The following ZNF778 variants were observed in gnomAD, a reference collection of about 807,000 sequenced individuals.
The protein encoded by ZNF778 is zinc finger protein 778.
Under a neutral mutation model 23.9 loss-of-function variants are expected in ZNF778, and 37 were observed. That is an observed-to-expected ratio of 1.54 (90% CI 1.19 to 2.03). The LOEUF (loss-of-function observed/expected upper bound fraction) is 2.03, where lower values mean the gene tolerates loss of function less well. Among genes scored for constraint, ZNF778 ranks in the 30% most tolerant of loss-of-function variants. The pLI is 0.00. For synonymous variants in ZNF778, 483 were observed against 343.9 expected, an observed-to-expected ratio of 1.40 and a Z score of -4.48; for missense variants, 1,297 against 934.4, an observed-to-expected ratio of 1.39 and a Z score of -5.06.
intron 1 of ZNF778, among the ~76,000 whole-genome samples, chr16:89,218,712 A>T (rs1439386287): frequency 2.0e-5 from 3 of 152,094 alleles, no homozygotes; most frequent in Non-Finnish European, 4.4e-5. Context: ...AATGGCGTGA[A>T]CCCGGGAGGC....
Position 89,224,707 on chromosome 16 carries a change from C to T in ZNF778, c.245-12C>T. 6.5e-7 allele frequency: 1 copy of T among 1,532,930 alleles called. No individual in the cohort carries two copies. Among genetic ancestry groups the T allele is most frequent in the Non-Finnish European group, 8.7e-7 (1 of 1,144,210 alleles). 95.0% of individuals were successfully genotyped at this position (1,532,930 alleles called of 1,614,324 possible). A position where few individuals can be genotyped will look rare whatever the true frequency, so the allele number is the denominator to read the frequency against. On this transcript the variant is annotated splice_polypyrimidine_tract_variant and intron_variant, in intron 4 of 6. Coordinates refer to ENST00000433976, the MANE Select transcript of ZNF778 (RefSeq NM_001201407.2). ...GAGCCTCTTCCATCGATGTCTCTTT[C>T]CCTGTGTACAGGACATCACCTGTTC...
At chr16:89,226,258 T>C (rs1172882679) in intron 6 of ZNF778, among the ~76,000 whole-genome samples, 2 of 151,982 alleles carry the variant, frequency 1.3e-5, no homozygotes, top group Non-Finnish European at 2.9e-5. Flanking sequence ...CAGGCTGGAA[T>C]GCAACGGCGC....
In ZNF778 at chr16:89,227,284, T is replaced by G; in HGVS notation, c.996T>G (p.Ala332=). The change falls in exon 7 of 7, where the codon GCT becomes GCG. Residue 332 remains alanine, a synonymous_variant. Coordinates refer to ENST00000433976, the MANE Select transcript of ZNF778 (RefSeq NM_001201407.2). The stretch of plus-strand genomic sequence containing the variant: ...TAACTCAACATGTAAGAATTCATGC[T>G]GCAGAGAAACCCTGTGAATGTAAAG... ...SSLTQHVRIH[A]AEKPCECKEC... 1 of 1,614,012 alleles carries G rather than the reference T, an allele frequency of 6.2e-7. No homozygotes were observed. The highest frequency in any genetic ancestry group is 8.5e-7 in the Non-Finnish European group (1 of 1,179,874).
rs1318523868 is a variant in ZNF778, at chr16:89,231,833, C to T, written c.*3271C>T. 6.6e-6 allele frequency: 1 copy of T among 152,256 alleles called. No individual in the cohort carries two copies. The highest frequency in any genetic ancestry group is 1.5e-5 in the Non-Finnish European group (1 of 68,076). 9.4% of individuals were successfully genotyped at this position (152,256 alleles called of 1,614,324 possible). Reference sequence around the variant, plus strand: ...CCTCCGCTGCAGCTTTCCATCTCATCTCCTTACTCCCTTGACTTGGCTTCA... The same window carrying T: ...CCTCCGCTGCAGCTTTCCATCTCATTTCCTTACTCCCTTGACTTGGCTTCA... On this transcript the variant is annotated 3_prime_UTR_variant, in exon 7 of 7. Coordinates refer to ENST00000433976, the MANE Select transcript of ZNF778 (RefSeq NM_001201407.2).
chr16:89,220,784 A>G (rs2030856700), intron 1 of ZNF778, among the ~76,000 whole-genome samples: 1 of 152,202 alleles, frequency 6.6e-6, no homozygotes, highest in Admixed American at 6.5e-5. Flanking sequence ...AGGTATGAAC[A>G]CGGGTGAAAT....
rs943822677 is a variant in ZNF778, at chr16:89,228,086, G to A, written c.1798G>A (p.Val600Ile). ...ECKDCGKTFTVSSSLTEHIRT... is the reference protein window; with the variant it reads ...ECKDCGKTFTISSSLTEHIRT... ...TAAGGACTGTGGGAAAACATTCACT[G>A]TTTCTTCGAGCCTAACCGAGCACAT... Residue 600 changes from valine (V) to isoleucine (I), a missense_variant, in exon 7 of 7, where the codon GTT becomes ATT. Physicochemically the swap from Val to Ile is conservative, Grantham distance 29 (BLOSUM62 3). Coordinates refer to ENST00000433976, the MANE Select transcript of ZNF778 (RefSeq NM_001201407.2). 4 of 1,612,618 alleles carry A rather than the reference G, an allele frequency of 2.5e-6. No individual in the cohort carries two copies. Among genetic ancestry groups the A allele is most frequent in the African/African-American group, 1.3e-5 (1 of 74,836 alleles).
chr16:89,228,754 G>A lies in ZNF778; in HGVS notation c.*192G>A, dbSNP rs1020704257. 1.1e-5 allele frequency: 15 copies of A among 1,393,712 alleles called. No individual in the cohort carries two copies. The African/African-American group carries it at 1.6e-4, about 15-fold the overall frequency. The allele number at this position is 1,393,712 out of a possible 1,614,324, so 86.3% of individuals were successfully genotyped here. A position where few individuals can be genotyped will look rare whatever the true frequency, so the allele number is the denominator to read the frequency against. The stretch of plus-strand genomic sequence containing the variant: ...GAGAAAGCCCTCAGTGTTCTCTAAG[G>A]TCTTGCTGAATATGGATGGTATCCA... On this transcript the variant is annotated 3_prime_UTR_variant, in exon 7 of 7. Coordinates refer to ENST00000433976, the MANE Select transcript of ZNF778 (RefSeq NM_001201407.2).
Position 89,230,511 on chromosome 16 carries a change from C to G in ZNF778, c.*1949C>G, listed in dbSNP as rs1316512201. On this transcript the variant is annotated 3_prime_UTR_variant, in exon 7 of 7. Coordinates refer to ENST00000433976, the MANE Select transcript of ZNF778 (RefSeq NM_001201407.2). ...GGGCAGCTGCTGCGACCCGGCACTC[C>G]TGGGGCAGCTGCTGCTTGTGTGTGT... 6.6e-6 allele frequency: 1 copy of G among 152,204 alleles called. No homozygotes were observed. Among genetic ancestry groups the G allele is most frequent in the African/African-American group, 2.4e-5 (1 of 41,424 alleles). 9.4% of individuals were successfully genotyped at this position (152,204 alleles called of 1,614,324 possible).
At chr16:89,222,903 G>C (rs1415944065) in intron 3 of ZNF778, among the ~76,000 whole-genome samples, 3 of 49,070 alleles carry the variant, frequency 6.1e-5, no homozygotes, top group Admixed American at 3.4e-4. Context: ...GACTGGAGGA[G>C]AGCGACAGGG....
At chr16:89,226,578 A>C in intron 6 of ZNF778, 116 bp from the exon 7 acceptor site, 2 of 850,724 alleles carry the variant, frequency 2.4e-6, no homozygotes, top group Non-Finnish European at 3.6e-6. Flanking sequence ...AGCTGCTTGC[A>C]TGTTATGAAA....
At position 89,222,077 on chromosome 16, in the gene ZNF778, T is replaced by G; in HGVS notation, c.26-15T>G. The G allele has an allele frequency of 6.3e-7, 1 of 1,579,744 alleles. No homozygotes were observed. Among genetic ancestry groups the G allele is most frequent in the Non-Finnish European group, 8.6e-7 (1 of 1,157,054 alleles). ...CTCTGGGTTCTCATGCCTTCTTGCC[T>G]TCTTTGTTTTTTAGGAGGTCATGTT... On this transcript the variant is annotated splice_polypyrimidine_tract_variant and intron_variant, in intron 2 of 6. Coordinates refer to ENST00000433976, the MANE Select transcript of ZNF778 (RefSeq NM_001201407.2).
Position 89,223,157 on chromosome 16 carries a change from G to A in ZNF778, c.118G>A (p.Asp40Asn), listed in dbSNP as rs758698014. The A allele has an allele frequency of 6.2e-7, 1 of 1,612,774 alleles. No homozygotes were observed. Among genetic ancestry groups the A allele is most frequent in the Non-Finnish European group, 8.5e-7 (1 of 1,179,674 alleles). Reference protein sequence around the residue: ...VAGWLINCYQDAVTFDDVAVD... With the variant: ...VAGWLINCYQNAVTFDDVAVD... Reference sequence around the variant, plus strand: ...CCAACCGTCATGTGTGATGATTTAGGACGCGGTGACCTTTGACGACGTGGC... The same window carrying A: ...CCAACCGTCATGTGTGATGATTTAGAACGCGGTGACCTTTGACGACGTGGC... Residue 40 changes from aspartate (D) to asparagine (N), a missense_variant and splice_region_variant, in exon 4 of 7, where the codon GAC becomes AAC. By Grantham distance (23) the Asp-to-Asn change is conservative. Transcript: ENST00000433976.
Position 89,227,169 on chromosome 16 carries a change from C to A in ZNF778, c.881C>A (p.Ala294Asp), listed in dbSNP as rs1437820240. 37 of 1,613,968 alleles carry A rather than the reference C, an allele frequency of 2.3e-5. No individual in the cohort carries two copies. The highest frequency in any genetic ancestry group is 3.0e-5 in the Non-Finnish European group (35 of 1,179,876). Residue 294 changes from alanine to aspartate, a missense_variant, in exon 7 of 7, where the codon GCC (alanine) becomes GAC (aspartate). Physicochemically the swap from Ala to Asp is moderately radical, Grantham distance 126. Coordinates refer to ENST00000433976, the MANE Select transcript of ZNF778 (RefSeq NM_001201407.2). ...RECGKAFRYT[A>D]YLTGRVQVHP... ...TGTGGGAAGGCCTTTAGGTACACTG[C>A]CTACCTTACTGGTCGCGTGCAAGTC...
intron 4 of ZNF778, among the ~76,000 whole-genome samples, chr16:89,223,891 A>C (rs1460385123): frequency 2.0e-5 from 3 of 151,784 alleles, no homozygotes; most frequent in Non-Finnish European, 2.9e-5. Flanking sequence ...AAACAAACGT[A>C]GTTCCTGGCC....
chr16:89,220,401 T>G (rs998740990), intron 1 of ZNF778, among the ~76,000 whole-genome samples: 5 of 152,170 alleles, frequency 3.3e-5, no homozygotes, highest in Admixed American at 1.3e-4. Context: ...CTCACGCCTG[T>G]AATCTCAACA....
rs759776097 is a variant in ZNF778, at chr16:89,224,753, G to A, written c.279G>A (p.Trp93Ter). The A allele has an allele frequency of 1.3e-6, 2 of 1,535,180 alleles. No individual in the cohort carries two copies. Among genetic ancestry groups the A allele is most frequent in the South Asian group, 2.4e-5 (2 of 84,014 alleles). The change falls in exon 5 of 7, where the codon TGG becomes TGA. Residue 93 changes from tryptophan (W) to a stop codon, truncating the protein, a stop_gained. Transcript: ENST00000433976. LOFTEE classifies it high-confidence loss of function. ...HHLFQPSVIYWLEQEEELRAG... is the reference protein window; with the variant it reads ...HHLFQPSVIY ...TGTTCCAACCCAGTGTGATCTATTG[G>A]CTGGAGCAGGAAGAGGAGTTGAGGG...
Position 89,230,124 on chromosome 16 carries a change from G to C in ZNF778, c.*1562G>C. The C allele has an allele frequency of 1.3e-6, 1 of 747,434 alleles. No homozygotes were observed. The highest frequency in any genetic ancestry group is 1.6e-6 in the Non-Finnish European group (1 of 613,902). The allele number at this position is 747,434 out of a possible 1,614,324, so 46.3% of individuals were successfully genotyped here. On this transcript the variant is annotated 3_prime_UTR_variant, in exon 7 of 7. Transcript: ENST00000433976. ...CCTGTAGGGTCCCACACTGGCCAAT[G>C]TTGGGGCATAACACAGCTCTACATT...
Position 89,229,086 on chromosome 16 carries a change from A to G in ZNF778, c.*524A>G. Reference sequence around the variant, plus strand: ...TTTGAATCTTTATGATGCTGCACTGATCATTCTTGGAGTGAGGACTCTGTT... The same window carrying G: ...TTTGAATCTTTATGATGCTGCACTGGTCATTCTTGGAGTGAGGACTCTGTT... On this transcript the variant is annotated 3_prime_UTR_variant, in exon 7 of 7. Transcript: ENST00000433976. 10 of 987,794 alleles carry G rather than the reference A, an allele frequency of 1.0e-5. No individual in the cohort carries two copies. Among genetic ancestry groups the G allele is most frequent in the Non-Finnish European group, 1.2e-5 (10 of 831,620 alleles). The allele number at this position is 987,794 out of a possible 1,614,324, so 61.2% of individuals were successfully genotyped here.
rs2031978413 is a variant in ZNF778, at chr16:89,232,517, C to G, written c.*3955C>G. On this transcript the variant is annotated 3_prime_UTR_variant, in exon 7 of 7. Transcript: ENST00000433976. ...CAGATACCTGTATTTCTCTTCCTAA[C>G]TCTCAGAACGTGTTCTGTGTCACTT... is the stretch of plus-strand genomic sequence containing the variant. 1 of 705,366 alleles carries G rather than the reference C, an allele frequency of 1.4e-6. No individual in the cohort carries two copies. Among genetic ancestry groups the G allele is most frequent in the Non-Finnish European group, 2.0e-6 (1 of 503,280 alleles). The allele number at this position is 705,366 out of a possible 1,614,324, so 43.7% of individuals were successfully genotyped here.
Sources: allele counts gnomAD v4.1 joint callset (sites outside exome capture counted in the v4.1 genomes callset), GRCh38; gene constraint gnomAD v4.1.1; transcripts MANE v1.5; gene names NCBI Gene and HGNC (gene_info 2026-07-23, HGNC 2026-07-21).